Variants in DAB1 observed in about 807,000 individuals in gnomAD.
DAB1 encodes the protein disabled homolog 1.
In DAB1, 15 loss-of-function variants were observed where a neutral mutation model predicts 64.6. The ratio of observed to expected loss-of-function variants is 0.23; its 90% CI spans 0.16 to 0.36. DAB1 has a LOEUF of 0.36. Among genes scored for constraint, DAB1 ranks in the 10% least tolerant of loss-of-function variants. The pLI, the probability that DAB1 is intolerant of heterozygous loss-of-function variation, is 1.00. For missense variants in DAB1, 596 were observed against 706.7 expected, an observed-to-expected ratio of 0.84 and a Z score of 1.78; for synonymous variants, 235 against 251.9, an observed-to-expected ratio of 0.93 and a Z score of 0.64.
chr1:58,518,665 C>G (rs1017542483), intron 2 of DAB1, among the ~76,000 whole-genome samples: 9 of 151,130 alleles, frequency 6.0e-5, no homozygotes, highest in African/African-American at 2.2e-4. Context: ...GGTTTTTTTT[C>G]CAAAAGCAAC....
At chr1:58,032,913 T>C (rs1646991342) in intron 5 of DAB1, among the ~76,000 whole-genome samples, 1 of 152,216 alleles carries the variant, frequency 6.6e-6, no homozygotes, top group Non-Finnish European at 1.5e-5. Flanking sequence ...CTCAGCTCCC[T>C]CTTCCTGATC....
intron 7 of DAB1, among the ~76,000 whole-genome samples, chr1:57,551,295 T>C (rs1644911707): frequency 6.6e-6 from 1 of 152,212 alleles, no homozygotes; most frequent in South Asian, 2.1e-4. Context: ...ATTAAATAGA[T>C]GTCTATAAGT....
At chr1:58,045,441 C>A (rs548598985) in intron 5 of DAB1, among the ~76,000 whole-genome samples, 1 of 152,284 alleles carries the variant, frequency 6.6e-6, no homozygotes, top group South Asian at 2.1e-4. Flanking sequence ...GGGCTGTTAC[C>A]CACTCTTGAG....
intron 7 of DAB1, among the ~76,000 whole-genome samples, chr1:57,643,947 G>A (rs1646161245): frequency 6.6e-6 from 1 of 152,166 alleles, no homozygotes; most frequent in African/African-American, 2.4e-5. Context: ...ACTGAGGCCC[G>A]CAGAAGCTAA....
intron 7 of DAB1, among the ~76,000 whole-genome samples, chr1:57,480,083 C>T (rs997771582): frequency 1.4e-5 from 2 of 147,938 alleles, no homozygotes; most frequent in Non-Finnish European, 3.0e-5. Context: ...ACCCGGGAGG[C>T]GGAGCTTGCA....
chr1:57,007,608 G>A (rs1227580655), intron 14 of DAB1, among the ~76,000 whole-genome samples: 2 of 152,172 alleles, frequency 1.3e-5, no homozygotes, highest in East Asian at 3.9e-4. Context: ...TGTGGGGATT[G>A]AGTCCGTCTG....
intron 1 of DAB1, among the ~76,000 whole-genome samples, chr1:57,403,640 A>G (rs1458097302): frequency 6.6e-6 from 1 of 152,182 alleles, no homozygotes; most frequent in Non-Finnish European, 1.5e-5. Context: ...AAGGAAAAAT[A>G]CAGTATCTTG....
intron 4 of DAB1, among the ~76,000 whole-genome samples, chr1:58,308,926 T>C (rs1481379327): frequency 1.3e-5 from 2 of 152,204 alleles, no homozygotes; most frequent in Non-Finnish European, 2.9e-5. Flanking sequence ...CCTTCATTTA[T>C]TTCACAAGCT....
chr1:57,835,945 G>T (rs1206197024), intron 1 of DAB1, among the ~76,000 whole-genome samples: 1 of 152,086 alleles, frequency 6.6e-6, no homozygotes, highest in Admixed American at 6.5e-5. Context: ...CTACCCATTT[G>T]GGTCAAAGCC....
intron 6 of DAB1, among the ~76,000 whole-genome samples, chr1:57,807,422 C>A (rs1034525794): frequency 1.3e-5 from 2 of 152,180 alleles, no homozygotes; most frequent in Admixed American, 1.3e-4. Flanking sequence ...GGAGCAGAGA[C>A]AACTTTCCCC....
chr1:57,470,634 C>T (rs1185421301), intron 7 of DAB1, among the ~76,000 whole-genome samples: 1 of 152,134 alleles, frequency 6.6e-6, no homozygotes, highest in South Asian at 2.1e-4. Flanking sequence ...TCCCTATTCC[C>T]AGGTGGCCTA....
chr1:58,171,834 T>C (rs1217516727), intron 4 of DAB1, among the ~76,000 whole-genome samples: 2 of 152,228 alleles, frequency 1.3e-5, no homozygotes, highest in Non-Finnish European at 2.9e-5. Flanking sequence ...CTAGATATCT[T>C]GAACTTTCTA....
chr1:57,554,767 C>T (rs1644967228), intron 7 of DAB1, among the ~76,000 whole-genome samples: 1 of 152,126 alleles, frequency 6.6e-6, no homozygotes, highest in Admixed American at 6.5e-5. Context: ...TAATGAAACA[C>T]TAGCCTACAA....
chr1:57,832,834 G>A (rs1468553274), intron 1 of DAB1, among the ~76,000 whole-genome samples: 1 of 152,164 alleles, frequency 6.6e-6, no homozygotes, highest in African/African-American at 2.4e-5. Flanking sequence ...TCAGATGCCT[G>A]GGCATTTTTG....
At chr1:58,368,175 A>G (rs1213665) in intron 3 of DAB1, among the ~76,000 whole-genome samples, 140,075 of 152,276 alleles carry the variant, frequency 0.92, 64,598 homozygotes, top group East Asian at 1. Context: ...TGGCAGGGGT[A>G]ATTGATTATG....
At chr1:57,966,656 T>C (rs1645673543) in intron 5 of DAB1, among the ~76,000 whole-genome samples, 1 of 152,190 alleles carries the variant, frequency 6.6e-6, no homozygotes, top group African/African-American at 2.4e-5. Context: ...AATATTTAAC[T>C]GAACAGAGGC....
chr1:58,217,801 A>G (rs1658934999), intron 4 of DAB1, among the ~76,000 whole-genome samples: 1 of 152,152 alleles, frequency 6.6e-6, no homozygotes, highest in Admixed American at 6.5e-5. Context: ...TAAGCACTTC[A>G]TGCACATTCC....
intron 2 of DAB1, among the ~76,000 whole-genome samples, chr1:57,286,415 T>G (rs1672321067): frequency 6.6e-6 from 1 of 152,174 alleles, no homozygotes; most frequent in African/African-American, 2.4e-5. Flanking sequence ...GGAAACACAC[T>G]AATGTCAAAT....
At chr1:57,586,605 A>C (rs1228057450) in intron 7 of DAB1, among the ~76,000 whole-genome samples, 1 of 152,096 alleles carries the variant, frequency 6.6e-6, no homozygotes, top group Non-Finnish European at 1.5e-5. Flanking sequence ...TCTGGTAGGC[A>C]AGTAAAATCA....
Sources: allele counts gnomAD v4.1 joint callset (sites outside exome capture counted in the v4.1 genomes callset), GRCh38; gene constraint gnomAD v4.1.1; transcripts MANE v1.5; gene names NCBI Gene and HGNC (gene_info 2026-07-23, HGNC 2026-07-21).